Variants in COL16A1 observed in about 807,000 individuals in gnomAD.
The protein encoded by COL16A1 is collagen alpha-1(XVI) chain.
Under a neutral mutation model 266.3 loss-of-function variants are expected in COL16A1, and 189 were observed. The ratio of observed to expected loss-of-function variants is 0.71; its 90% CI spans 0.63 to 0.80. COL16A1 has a LOEUF of 0.80. COL16A1 is among the 30% of genes least tolerant of loss of function. COL16A1 has a pLI of 0.00. For synonymous variants in COL16A1, 740 were observed against 782.3 expected, an observed-to-expected ratio of 0.95 and a Z score of 0.90; for missense variants, 1,928 against 2,122.4, an observed-to-expected ratio of 0.91 and a Z score of 1.80.
In COL16A1 at chr1:31,697,321, A is replaced by G. The variant is rs373887290; in HGVS notation, c.658-21T>C. 2.0e-5 allele frequency: 31 copies of G among 1,589,138 alleles called. No individual in the cohort carries two copies. The highest frequency in any genetic ancestry group is 2.3e-5 in the Non-Finnish European group (27 of 1,166,258). ...TCAAACTGCAGGAGACACACACATC[A>G]ATTTCACTTCATTTTATCAAATAGC... On this transcript the variant is annotated intron_variant, in intron 6 of 70. Transcript: ENST00000373672. The surrounding 1 kb of genome is among the most constrained non-coding windows in gnomAD (Gnocchi z 4.2).
intron 48 of COL16A1, among the ~76,000 whole-genome samples, chr1:31,671,091 C>T (rs1026345350): frequency 1.3e-5 from 2 of 152,228 alleles, no homozygotes; most frequent in Non-Finnish European, 2.9e-5. Flanking sequence ...CTTCTATTTT[C>T]CTGCCATGTC....
intron 31 of COL16A1, 57 bp from the exon 32 acceptor site, chr1:31,684,288 G>T (rs1377117473): frequency 6.9e-7 from 1 of 1,450,698 alleles, no homozygotes; most frequent in East Asian, 2.5e-5. Flanking sequence ...ACCCAGGCCA[G>T]GACGCCCTGC....
chr1:31,679,401 C>G lies in COL16A1; in HGVS notation c.2772+231G>C, dbSNP rs905178647. ...TCTGACCCAGATTGTGGGTGCCTGA[C>G]AGCTGACGCAACAGTGCATTGCTTG... On this transcript the variant is annotated intron_variant, in intron 42 of 70. Transcript: ENST00000373672. 53 of 1,531,222 alleles carry G rather than the reference C, an allele frequency of 3.5e-5. No homozygotes were observed. In the African/African-American group the frequency reaches 5.8e-4, roughly 17 times the overall value. The allele number at this position is 1,531,222 out of a possible 1,614,324, so 94.9% of individuals were successfully genotyped here.
Position 31,686,298 on chromosome 1 carries a change from A to G in COL16A1, c.1804-19T>C. Reference sequence around the variant, plus strand: ...AGTTACCCTGAGAGAAAGCACAGAAACCATGATTAAAGAGGGGATGGAGTC... The same window carrying G: ...AGTTACCCTGAGAGAAAGCACAGAAGCCATGATTAAAGAGGGGATGGAGTC... On this transcript the variant is annotated intron_variant, in intron 26 of 70. Coordinates refer to ENST00000373672, the MANE Select transcript of COL16A1 (RefSeq NM_001856.4). 1 of 1,614,192 alleles carries G rather than the reference A, an allele frequency of 6.2e-7. No homozygotes were observed. Among genetic ancestry groups the G allele is most frequent in the Non-Finnish European group, 8.5e-7 (1 of 1,180,044 alleles).
In COL16A1 at chr1:31,657,089, G is replaced by A; in HGVS notation, c.4021-21C>T. The A allele has an allele frequency of 1.9e-6, 3 of 1,614,202 alleles. No individual in the cohort carries two copies. The highest frequency in any genetic ancestry group is 2.5e-6 in the Non-Finnish European group (3 of 1,180,028). On this transcript the variant is annotated intron_variant, in intron 64 of 70. Transcript: ENST00000373672. This position sits in a 1 kb window ranked among gnomAD's most constrained non-coding sequence, Gnocchi z 6.4. ...TCGCCCTGGGGAGTAGAGAGCAATG[G>A]AGACATGAGGAGCTCCAACCCAGTT...
intron 17 of COL16A1, 117 bp downstream of exon 17, chr1:31,691,888 C>A: frequency 6.6e-7 from 1 of 1,520,028 alleles, no homozygotes; most frequent in Non-Finnish European, 9.0e-7. Context: ...TCCTGTGGCA[C>A]AGCCCCTCCC....
At position 31,688,263 on chromosome 1, in the gene COL16A1, C is replaced by T. The variant is rs1644089163; in HGVS notation, c.1803+204G>A. On this transcript the variant is annotated intron_variant, in intron 26 of 70. Transcript: ENST00000373672. This position sits in a 1 kb window ranked among gnomAD's most constrained non-coding sequence, Gnocchi z 4.9. The stretch of plus-strand genomic sequence containing the variant: ...GTTTTAGAATATCATCACAGCTACA[C>T]TAAGGAATTCTCTTACAGAACATGA... Among the ~76,000 whole-genome samples the T allele has an allele frequency of 6.6e-6, 1 of 152,162 alleles. No individual in the cohort carries two copies. The highest frequency in any genetic ancestry group is 2.4e-5 in the African/African-American group (1 of 41,418).
At chr1:31,699,176 C>T (rs946745841) in intron 4 of COL16A1, among the ~76,000 whole-genome samples, 2 of 152,184 alleles carry the variant, frequency 1.3e-5, no homozygotes, top group South Asian at 4.1e-4. Context: ...AGAGGCACTG[C>T]CTGCCTTCAT....
In COL16A1 at chr1:31,688,889, G is replaced by C. The variant is rs1644120713; in HGVS notation, c.1739C>G (p.Ser580Cys). The change falls in exon 25 of 71, where the codon TCC becomes TGC. Residue 580 changes from serine to cysteine, a missense_variant. Physicochemically the swap from Ser to Cys is moderately radical, Grantham distance 112 (BLOSUM62 -1). Coordinates refer to ENST00000373672, the MANE Select transcript of COL16A1 (RefSeq NM_001856.4). The surrounding 1 kb of genome is among the most constrained non-coding windows in gnomAD (Gnocchi z 4.9). Reference sequence around the variant, plus strand: ...AAGGCCAGGCAGACCAAAGCCAGGGGAACCCACATCTCCACTGGCCCCTGT... The same window carrying C: ...AAGGCCAGGCAGACCAAAGCCAGGGCAACCCACATCTCCACTGGCCCCTGT... ...SSTGASGDVG[S>C]PGFGLPGLPG... The C allele has an allele frequency of 6.2e-7, 1 of 1,614,014 alleles. No homozygotes were observed. The highest frequency in any genetic ancestry group is 1.7e-5 in the Admixed American group (1 of 60,004).
chr1:31,686,042 T>C (rs1439704217), intron 28 of COL16A1, 49 bp downstream of exon 28: 4 of 1,609,504 alleles, frequency 2.5e-6, no homozygotes, highest in Non-Finnish European at 3.4e-6. Context: ...CGAGTGTCTA[T>C]CTAGGAAGCT....
intron 8 of COL16A1, among the ~76,000 whole-genome samples, 182 bp from the exon 9 acceptor site, chr1:31,696,323 T>TTCCTC (rs1644497825): frequency 7.3e-6 from 1 of 136,532 alleles, no homozygotes; most frequent in African/African-American, 2.8e-5. Context: ...TCCCCCTCCT[T>TTCCTC]CCCCCCCCAC....
At position 31,692,887 on chromosome 1, in the gene COL16A1, G is replaced by A. The variant is rs978116019; in HGVS notation, c.1072-79C>T. 2.7e-5 allele frequency: 37 copies of A among 1,391,506 alleles called. No homozygotes were observed. The African/African-American group carries it at 3.7e-4, about 14-fold the overall frequency. 86.2% of individuals were successfully genotyped at this position (1,391,506 alleles called of 1,614,324 possible). On this transcript the variant is annotated intron_variant, in intron 13 of 70. Coordinates refer to ENST00000373672, the MANE Select transcript of COL16A1 (RefSeq NM_001856.4). ...GATGTGTTGTGAGGAGGATCGGCCC[G>A]GGAACCCCATAGTCCTAAGTATCCC...
Position 31,670,354 on chromosome 1 carries a change from TAAGA to T in COL16A1, c.3195+244_3195+247del. 1 of 422,652 alleles carries T rather than the reference TAAGA, an allele frequency of 2.4e-6. No individual in the cohort carries two copies. The allele number at this position is 422,652 out of a possible 1,614,324, so 26.2% of individuals were successfully genotyped here. On this transcript the variant is annotated intron_variant, in intron 49 of 70. Coordinates refer to ENST00000373672, the MANE Select transcript of COL16A1 (RefSeq NM_001856.4). This position sits in a 1 kb window ranked among gnomAD's most constrained non-coding sequence, Gnocchi z 4.5. ...AATGGAGAAGGAAGACAGAACGGGG[TAAGA>T]GAGAGAAGAGGAGAGAAAGAACGCA...
chr1:31,682,901 A>C, intron 37 of COL16A1, 33 bp downstream of exon 37: 1 of 1,612,822 alleles, frequency 6.2e-7, no homozygotes, highest in Non-Finnish European at 8.5e-7. Context: ...GGTTCCAGCA[A>C]CACCACCAGC....
At chr1:31,662,802 G>GTC (rs1362035706) in intron 56 of COL16A1, 144 bp from the exon 57 acceptor site, 1 of 781,448 alleles carries the variant, frequency 1.3e-6, no homozygotes, top group Non-Finnish European at 2.0e-6. Context: ...ATCTGTCCCT[G>GTC]TCTAACTGCA....
At chr1:31,690,219 C>T in intron 22 of COL16A1, 148 bp downstream of exon 22, 2 of 1,273,310 alleles carry the variant, frequency 1.6e-6, no homozygotes, top group Non-Finnish European at 1.1e-6. Context: ...TATGTACTCA[C>T]TGCACATGGA....
rs780962280 is a variant in COL16A1, at chr1:31,690,373, T to C, written c.1503A>G (p.Gly501=). The C allele has an allele frequency of 1.9e-6, 3 of 1,613,864 alleles. No homozygotes were observed. The African/African-American group carries it at 4.0e-5, about 22-fold the overall frequency. ...AGCCAGGCCTAGGACTCACCTTCTC[T>C]CCCTTCACACCTGGCTTCCCCTGTT... The part of the protein sequence containing the change: ...GGKPGKPGVK[G]EKGDPCEVCP... Residue 501 remains glycine (G), a synonymous_variant, in exon 22 of 71, where the codon GGA becomes GGG. Coordinates refer to ENST00000373672, the MANE Select transcript of COL16A1 (RefSeq NM_001856.4).
intron 34 of COL16A1, 127 bp downstream of exon 34, chr1:31,683,580 T>G (rs1643802137): frequency 1.3e-6 from 2 of 1,586,936 alleles, no homozygotes; most frequent in African/African-American, 1.3e-5. Context: ...GCCTGATCCC[T>G]GGTCCCAGAA....
Position 31,663,217 on chromosome 1 carries a change from C to A in COL16A1, c.3556-559G>T. 6.3e-6 allele frequency: 1 copy of A among 159,250 alleles called. No homozygotes were observed. The highest frequency in any genetic ancestry group is 1.4e-5 in the Non-Finnish European group (1 of 71,666). The allele number at this position is 159,250 out of a possible 1,614,324, so 9.9% of individuals were successfully genotyped here. On this transcript the variant is annotated intron_variant, in intron 56 of 70. Transcript: ENST00000373672. This position sits in a 1 kb window ranked among gnomAD's most constrained non-coding sequence, Gnocchi z 4.9. ...GGGCCCAACACAACCAGGGGCAATACAACAGTCTAAGTGTTCTGTGTGGAA... is the reference window on the plus strand; with the variant it reads ...GGGCCCAACACAACCAGGGGCAATAAAACAGTCTAAGTGTTCTGTGTGGAA...
Sources: gnomAD v4.1 joint callset for allele counts (sites outside exome capture counted in the v4.1 genomes callset) on GRCh38, gnomAD v4.1.1 for gene constraint, Gnocchi (gnomAD v3.1) non-coding constraint, MANE v1.5 for transcripts, NCBI Gene and HGNC (gene_info 2026-07-23, HGNC 2026-07-21) for gene names.